MAP4K1: variants seen among roughly 807,000 people sequenced by gnomAD.
The protein encoded by MAP4K1 is MAPK/ERK kinase kinase kinase 1.
MAP4K1 carries 35 observed loss-of-function variants against 122.8 expected under a neutral mutation model. The ratio of observed to expected loss-of-function variants is 0.29; its 90% CI spans 0.22 to 0.38. The LOEUF (loss-of-function observed/expected upper bound fraction) is 0.38. MAP4K1 is among the 10% of genes least tolerant of loss of function. The pLI, the probability that MAP4K1 is intolerant of heterozygous loss-of-function variation, is 1.00. For synonymous variants in MAP4K1, 412 were observed against 421.3 expected (o/e 0.98, Z 0.27); for missense variants, 791 against 1,072.6 (o/e 0.74, Z 3.67).
In MAP4K1 at chr19:38,607,924, A is replaced by G. The variant is rs1166635031; in HGVS notation, c.1110-13T>C. On this transcript the variant is annotated splice_polypyrimidine_tract_variant and intron_variant, in intron 15 of 30. Coordinates refer to ENST00000396857, the MANE Select transcript of MAP4K1 (RefSeq NM_001042600.3). ...TGACAGTTGCTTCCTGAAGGGTGAC[A>G]GGTATGAGCCTTGGGGGCCTTGTCC... 6.2e-7 allele frequency: 1 copy of G among 1,612,336 alleles called. No individual in the cohort carries two copies. Among genetic ancestry groups the G allele is most frequent in the Non-Finnish European group, 8.5e-7 (1 of 1,179,376 alleles).
chr19:38,610,925 T>A (rs1370680212), intron 11 of MAP4K1, 126 bp downstream of exon 11: 3 of 820,062 alleles, frequency 3.7e-6, no homozygotes, highest in African/African-American at 1.7e-5. Context: ...TCCTGGGAAA[T>A]TCTGAGGCAC....
chr19:38,590,436 T>TATATATATATATAA (rs1246449708), intron 30 of MAP4K1, among the ~76,000 whole-genome samples: 14 of 110,664 alleles, frequency 1.3e-4, no homozygotes, highest in African/African-American at 4.0e-4. Flanking sequence ...TATATATATA[T>TATATATATATATAA]AATCACGGGC....
intron 30 of MAP4K1, among the ~76,000 whole-genome samples, chr19:38,590,066 C>T (rs1248749211): frequency 6.6e-6 from 1 of 151,564 alleles, no homozygotes; most frequent in Non-Finnish European, 1.5e-5. Context: ...AGCAACTTCA[C>T]AGTGGAGAGA....
At chr19:38,612,846 G>A (rs1975538979) in intron 8 of MAP4K1, 104 bp from the exon 9 acceptor site, 1 of 1,236,694 alleles carries the variant, frequency 8.1e-7, no homozygotes, top group Non-Finnish European at 1.2e-6. Context: ...CACACAGAGA[G>A]TCAGATGGAG....
chr19:38,613,549 C>CA (rs894031960), intron 8 of MAP4K1, among the ~76,000 whole-genome samples: 1 of 151,294 alleles, frequency 6.6e-6, no homozygotes, highest in African/African-American at 2.4e-5. Flanking sequence ...AATGAAAAGA[C>CA]AGAGAGGCAG....
intron 29 of MAP4K1, 76 bp from the exon 30 acceptor site, chr19:38,593,413 C>T (rs1974785420): frequency 7.3e-7 from 1 of 1,363,754 alleles, no homozygotes; most frequent in African/African-American, 1.5e-5. Flanking sequence ...CCCTTAAAGA[C>T]AGCAAGGAGC....
chr19:38,607,971 C>T lies in MAP4K1; in HGVS notation c.1109+19G>A, dbSNP rs1231219307. The T allele has an allele frequency of 3.1e-6, 5 of 1,611,704 alleles. No individual in the cohort carries two copies. Among genetic ancestry groups the T allele is most frequent in the Non-Finnish European group, 3.4e-6 (4 of 1,179,042 alleles). ...GTCCACATTCCAGCCCCCTCCCCAT[C>T]CTCCCTGGGGTCCCTGACCTGGGGC... On this transcript the variant is annotated intron_variant, in intron 15 of 30. Coordinates refer to ENST00000396857, the MANE Select transcript of MAP4K1 (RefSeq NM_001042600.3).
rs574882453 is a variant in MAP4K1 at position 38,617,139 on chromosome 19, G to A, written c.248+215C>T. Among the ~76,000 whole-genome samples, 8 of 152,132 alleles carry A rather than the reference G, an allele frequency of 5.3e-5. No homozygotes were observed. The highest frequency in any genetic ancestry group is 4.2e-4 in the South Asian group (2 of 4,812). On this transcript the variant is annotated intron_variant, in intron 3 of 30. Transcript: ENST00000396857. This position sits in a 1 kb window ranked among gnomAD's most constrained non-coding sequence, Gnocchi z 4.1. ...TGAGCGCCTGTAATCCCAGCTACTCGGGAGTCTGAGGCAGAGAATTGCTTG... is the reference window on the plus strand; with the variant it reads ...TGAGCGCCTGTAATCCCAGCTACTCAGGAGTCTGAGGCAGAGAATTGCTTG...
chr19:38,608,673 G>A (rs1031784827), intron 13 of MAP4K1, among the ~76,000 whole-genome samples: 12 of 151,568 alleles, frequency 7.9e-5, no homozygotes, highest in African/African-American at 2.4e-4. Context: ...GGTAGTATGC[G>A]CCTGTAATCC....
At chr19:38,609,814 C>T in intron 12 of MAP4K1, 95 bp downstream of exon 12, 1 of 1,339,706 alleles carries the variant, frequency 7.5e-7, no homozygotes, top group African/African-American at 1.4e-5. Context: ...CCTGTTTTCC[C>T]CCTAAGAGAG....
At chr19:38,616,151 G>A (rs970165820) in intron 4 of MAP4K1, 44 bp downstream of exon 4, 1 of 1,501,790 alleles carries the variant, frequency 6.7e-7, no homozygotes, top group Non-Finnish European at 9.2e-7. Flanking sequence ...GTTGGGGGGT[G>A]GGGATAGGGA....
At chr19:38,611,013 G>A (rs988039318) in intron 11 of MAP4K1, 38 bp downstream of exon 11, 1 of 1,557,952 alleles carries the variant, frequency 6.4e-7, no homozygotes, top group Non-Finnish European at 8.8e-7. Flanking sequence ...AGGCCCCAGG[G>A]AATCCTAGGC....
Position 38,608,992 on chromosome 19 carries a change from C to T in MAP4K1, c.1006+604G>A, listed in dbSNP as rs540452557. ...CAAGATCCTGTCACAAAAAAATAAA[C>T]AAATAAATAAGTTTTGGGATCAGGA... is the stretch of plus-strand genomic sequence containing the variant. On this transcript the variant is annotated intron_variant, in intron 13 of 30. Transcript: ENST00000396857. Among the ~76,000 whole-genome samples the T allele has an allele frequency of 2.0e-5, 3 of 151,828 alleles. No individual in the cohort carries two copies. In the South Asian group the frequency reaches 6.2e-4, roughly 32 times the overall value.
chr19:38,605,530 C>T (rs1247218843), intron 18 of MAP4K1, 38 bp downstream of exon 18: 3 of 1,534,366 alleles, frequency 2.0e-6, no homozygotes, highest in Admixed American at 2.1e-5. Flanking sequence ...CCAAGAACCC[C>T]CAACCCTCCC....
chr19:38,590,196 G>A (rs1974660638), intron 30 of MAP4K1, among the ~76,000 whole-genome samples: 2 of 151,000 alleles, frequency 1.3e-5, no homozygotes, highest in Admixed American at 1.3e-4. Context: ...CAGTATTCCT[G>A]CCCAAAATTC....
chr19:38,603,086 G>A (rs62647697), intron 19 of MAP4K1, among the ~76,000 whole-genome samples: 8,376 of 60,156 alleles, frequency 0.14, 1,793 homozygotes, highest in African/African-American at 0.29. Flanking sequence ...ATATACACAT[G>A]TACATATATA....
Position 38,595,372 on chromosome 19 carries a change from T to C in MAP4K1, c.2340+113A>G. On this transcript the variant is annotated intron_variant, in intron 29 of 30. Transcript: ENST00000396857. ...TCTATCTGAACTGAAATTTGGAAGA[T>C]GTTTCCCCTCCAGGACTTCACACTC... is the stretch of plus-strand genomic sequence containing the variant. 4 of 895,360 alleles carry C rather than the reference T, an allele frequency of 4.5e-6. No individual in the cohort carries two copies. The East Asian group carries it at 7.8e-5, about 17-fold the overall frequency. The allele number at this position is 895,360 out of a possible 1,614,324, so 55.5% of individuals were successfully genotyped here.
In MAP4K1 at chr19:38,603,906, C is replaced by A. The variant is rs774197172; in HGVS notation, c.1446+1503G>T. 1.3e-5 allele frequency among the ~76,000 whole-genome samples: 2 copies of A among 151,364 alleles called. 1 individual carries two copies. Among genetic ancestry groups the A allele is most frequent in the Admixed American group, 1.3e-4 (2 of 15,158 alleles). On this transcript the variant is annotated intron_variant, in intron 19 of 30. Transcript: ENST00000396857. Reference sequence around the variant, plus strand: ...GGCTGAGGCAGGAGGATCACTTAGACTGGGGAGGCAGAGGTTGCAGTGAGC... The same window carrying A: ...GGCTGAGGCAGGAGGATCACTTAGAATGGGGAGGCAGAGGTTGCAGTGAGC...
chr19:38,590,637 G>C (rs1270111533), intron 30 of MAP4K1, among the ~76,000 whole-genome samples: 4 of 151,226 alleles, frequency 2.6e-5, no homozygotes. Context: ...ACCACACCCA[G>C]CTAATTTTTG....
Sources: gnomAD v4.1 joint callset for allele counts (sites outside exome capture counted in the v4.1 genomes callset) on GRCh38, gnomAD v4.1.1 for gene constraint, Gnocchi (gnomAD v3.1) non-coding constraint, MANE v1.5 for transcripts, NCBI Gene and HGNC (gene_info 2026-07-23, HGNC 2026-07-21) for gene names.